Variants in DOCK3 observed in about 807,000 individuals in gnomAD.
The protein encoded by DOCK3 is dedicator of cytokinesis protein 3.
A neutral mutation model predicts 265.6 loss-of-function variants in DOCK3; 60 were observed. That is an observed-to-expected ratio of 0.23 (90% CI 0.18 to 0.28). The LOEUF (loss-of-function observed/expected upper bound fraction) is 0.28, where lower values mean the gene tolerates loss of function less well. DOCK3 is among the 10% of genes least tolerant of loss of function. The pLI, the probability that DOCK3 is intolerant of heterozygous loss-of-function variation, is 1.00. For missense variants in DOCK3, 1,981 were observed against 2,594.3 expected (o/e 0.76, Z 5.14); for synonymous variants, 881 against 938.0 (o/e 0.94, Z 1.11).
In DOCK3 at chr3:50,756,850, A is replaced by G. The variant is rs76319526; in HGVS notation, c.38-21825A>G. Among the ~76,000 whole-genome samples the G allele has an allele frequency of 3.8e-3, 584 of 152,242 alleles. 6 individuals are homozygous for G. The highest frequency in any genetic ancestry group is 0.013 in the African/African-American group (548 of 41,536). ...TTCTTTGGGAGAAATATCTATTCACATCCTTTCCCTATTTAAAAATTGTGT... is the reference window on the plus strand; with the variant it reads ...TTCTTTGGGAGAAATATCTATTCACGTCCTTTCCCTATTTAAAAATTGTGT... On this transcript the variant is annotated intron_variant, in intron 1 of 52. Coordinates refer to ENST00000266037, the MANE Select transcript of DOCK3 (RefSeq NM_004947.5).
intron 2 of DOCK3, among the ~76,000 whole-genome samples, chr3:50,817,321 C>T (rs2044143220): frequency 6.6e-6 from 1 of 152,160 alleles, no homozygotes; most frequent in Non-Finnish European, 1.5e-5. Flanking sequence ...CCTTATTTTA[C>T]CCAGCTCCTA....
Position 51,381,868 on chromosome 3 carries a change from T to C in DOCK3, c.*309T>C. On this transcript the variant is annotated 3_prime_UTR_variant, in exon 53 of 53. Coordinates refer to ENST00000266037, the MANE Select transcript of DOCK3 (RefSeq NM_004947.5). This position sits in a 1 kb window ranked among gnomAD's most constrained non-coding sequence, Gnocchi z 5.6. ...CAGTTCTGGACCATGTGGAGCTACATGGAGAAATTGCACAGACAGAATCAC... is the reference window on the plus strand; with the variant it reads ...CAGTTCTGGACCATGTGGAGCTACACGGAGAAATTGCACAGACAGAATCAC... The C allele has an allele frequency of 3.7e-6, 1 of 272,588 alleles. No homozygotes were observed. The highest frequency in any genetic ancestry group is 6.9e-6 in the Non-Finnish European group (1 of 145,124). The allele number at this position is 272,588 out of a possible 1,614,324, so 16.9% of individuals were successfully genotyped here. A position where few individuals can be genotyped will look rare whatever the true frequency, so the allele number is the denominator to read the frequency against.
At chr3:51,233,316 TTCTATCTATCTATCTA>T (rs71084135) in intron 19 of DOCK3, among the ~76,000 whole-genome samples, 5 of 70,374 alleles carry the variant, frequency 7.1e-5, no homozygotes, top group Non-Finnish European at 1.0e-4. Context: ...TATTCTTTCT[TTCTATCTATCTATCTA>T]TCTATCTATC....
chr3:50,851,975 A>G lies in DOCK3; in HGVS notation c.162+10260A>G, dbSNP rs562302861. Among the ~76,000 whole-genome samples the G allele has an allele frequency of 2.6e-5, 4 of 152,264 alleles. No homozygotes were observed. In the South Asian group the frequency reaches 8.3e-4, roughly 32 times the overall value. On this transcript the variant is annotated intron_variant, in intron 3 of 52. Transcript: ENST00000266037. The stretch of plus-strand genomic sequence containing the variant: ...CATCTTTTCCTGGTGTCTTTTTCTC[A>G]CAGCATCTCCAAGACTCTCCCCAAT...
At chr3:50,913,609 A>G (rs1272266716) in intron 4 of DOCK3, among the ~76,000 whole-genome samples, 1 of 152,032 alleles carries the variant, frequency 6.6e-6, no homozygotes, top group Non-Finnish European at 1.5e-5. Context: ...GGCTTGTGGG[A>G]ACTCACCTTC....
rs137889978 is a variant in DOCK3 at position 51,328,664 on chromosome 3, G to A, written c.3403-1474G>A. 4.2e-4 allele frequency among the ~76,000 whole-genome samples: 62 copies of A among 149,322 alleles called. 1 individual carries two copies. The highest frequency in any genetic ancestry group is 1.3e-3 in the African/African-American group (53 of 40,752). ...TCTCTGTCCTCATTTTCTGGTCATC[G>A]GACTTCAGAGGCCCTAACTGCCTTC... On this transcript the variant is annotated intron_variant, in intron 32 of 52. Transcript: ENST00000266037.
intron 1 of DOCK3, chr3:50,719,460 G>A (rs1247092408): frequency 1.4e-6 from 1 of 725,942 alleles, no homozygotes; most frequent in Non-Finnish European, 2.3e-6. Context: ...TGATGGTTAA[G>A]ATAAAGCACA....
chr3:51,348,984 T>C, intron 39 of DOCK3, 46 bp downstream of exon 39: 1 of 1,292,608 alleles, frequency 7.7e-7, no homozygotes, highest in Non-Finnish European at 1.0e-6. Flanking sequence ...TGGCATCAGT[T>C]TCTAAATGAG....
At chr3:51,224,945 C>A (rs1285298145) in intron 14 of DOCK3, among the ~76,000 whole-genome samples, 1 of 152,160 alleles carries the variant, frequency 6.6e-6, no homozygotes, top group Non-Finnish European at 1.5e-5. Context: ...TCTTGAACAA[C>A]AGAGTTGGGC....
intron 5 of DOCK3, among the ~76,000 whole-genome samples, chr3:51,024,020 A>C (rs1388024306): frequency 1.3e-5 from 2 of 151,834 alleles, no homozygotes. Context: ...TTGTTACTGA[A>C]TTTATTTTTT....
At chr3:51,368,562 C>T (rs1171852750) in intron 49 of DOCK3, among the ~76,000 whole-genome samples, 3 of 152,160 alleles carry the variant, frequency 2.0e-5, no homozygotes, top group South Asian at 2.1e-4. Flanking sequence ...CTGGGAAGCT[C>T]GAACTGGGTG....
At chr3:51,003,744 C>T (rs562062711) in intron 5 of DOCK3, among the ~76,000 whole-genome samples, 3 of 152,244 alleles carry the variant, frequency 2.0e-5, no homozygotes, top group African/African-American at 7.2e-5. Flanking sequence ...ATGTAATTTT[C>T]ACTTGGACAT....
chr3:51,243,299 T>C (rs2078691728), intron 21 of DOCK3, among the ~76,000 whole-genome samples: 1 of 152,160 alleles, frequency 6.6e-6, no homozygotes. Context: ...CCCTGCCAAC[T>C]CAAGTATCTG....
chr3:51,058,964 G>T (rs1246632977), intron 5 of DOCK3, among the ~76,000 whole-genome samples: 1 of 152,076 alleles, frequency 6.6e-6, no homozygotes, highest in East Asian at 1.9e-4. Flanking sequence ...GGGTACATGT[G>T]TAGGTTTGTT....
intron 5 of DOCK3, among the ~76,000 whole-genome samples, chr3:51,014,205 G>A (rs1434948669): frequency 6.6e-6 from 1 of 152,138 alleles, no homozygotes; most frequent in Non-Finnish European, 1.5e-5. Flanking sequence ...AGATGAATCA[G>A]GTACCTCAGT....
rs751961576 is a variant in DOCK3 at position 50,823,206 on chromosome 3, A to G, written c.122-18469A>G. 3.2e-4 allele frequency among the ~76,000 whole-genome samples: 49 copies of G among 151,662 alleles called. No homozygotes were observed. In the East Asian group the frequency reaches 4.3e-3, roughly 13 times the overall value. ...GATCATTCTTGGGTGTTTCTTGCAG[A>G]GGGGGATTTGGCAGGGTCACAGGAC... On this transcript the variant is annotated intron_variant, in intron 2 of 52. Coordinates refer to ENST00000266037, the MANE Select transcript of DOCK3 (RefSeq NM_004947.5).
intron 2 of DOCK3, among the ~76,000 whole-genome samples, chr3:50,814,797 AC>A (rs1260684002): frequency 6.6e-6 from 1 of 151,918 alleles, no homozygotes; most frequent in Non-Finnish European, 1.5e-5. Context: ...TTTTAAAATA[AC>A]ATGCTTATAT....
chr3:50,761,762 A>G (rs1371289968), intron 1 of DOCK3, among the ~76,000 whole-genome samples: 1 of 152,212 alleles, frequency 6.6e-6, no homozygotes, highest in Non-Finnish European at 1.5e-5. Flanking sequence ...TACTGGGTAT[A>G]TACCCACAGG....
chr3:51,158,315 G>A (rs915399356), intron 10 of DOCK3, among the ~76,000 whole-genome samples: 1 of 152,180 alleles, frequency 6.6e-6, no homozygotes, highest in Non-Finnish European at 1.5e-5. Context: ...GGAGGCTGAG[G>A]CAGGAAGATT....
Sources: allele counts gnomAD v4.1 joint callset (sites outside exome capture counted in the v4.1 genomes callset), GRCh38; gene constraint gnomAD v4.1.1; non-coding constraint Gnocchi (gnomAD v3.1); transcripts MANE v1.5; gene names NCBI Gene and HGNC (gene_info 2026-07-23, HGNC 2026-07-21).